Variants in WIPF3 observed in about 807,000 individuals in gnomAD.
WIPF3 encodes the protein WAS/WASL-interacting protein family member 3.
WIPF3 carries 33 observed loss-of-function variants against 38.9 expected under a neutral mutation model. That is an observed-to-expected ratio of 0.85 (90% CI 0.64 to 1.14). WIPF3 has a LOEUF of 1.14. WIPF3 is among the 50% of genes most tolerant of loss of function. The pLI is 0.00. For missense variants in WIPF3, 711 were observed against 652.5 expected (o/e 1.09, Z -0.98); for synonymous variants, 324 against 269.3 (o/e 1.20, Z -1.99).
At chr7:29,816,010 A>G (rs968984395) in intron 1 of WIPF3, among the ~76,000 whole-genome samples, 1 of 152,014 alleles carries the variant, frequency 6.6e-6, no homozygotes, top group Non-Finnish European at 1.5e-5. Flanking sequence ...AATCGTCAAG[A>G]CCATTTTAAT....
At chr7:29,819,740 T>C (rs2128062510) in intron 1 of WIPF3, among the ~76,000 whole-genome samples, 1 of 152,166 alleles carries the variant, frequency 6.6e-6, no homozygotes, top group Middle Eastern at 3.4e-3. Flanking sequence ...TCAGTACACA[T>C]TAAGTTTGGT....
Position 29,890,791 on chromosome 7 carries a change from G to T in WIPF3, c.1351+1384G>T, listed in dbSNP as rs576920866. Among the ~76,000 whole-genome samples, 53 of 144,318 alleles carry T rather than the reference G, an allele frequency of 3.7e-4. 1 individual carries two copies. The highest frequency in any genetic ancestry group is 1.4e-3 in the Admixed American group (21 of 14,554). 94.7% of individuals were successfully genotyped at this position (144,318 alleles called of 152,430 possible). ...TGCCCTGTGTTCAGGTGGAGGGGGC[G>T]AGGGCCTGCCCTGTGCTCAGGTGGA... On this transcript the variant is annotated intron_variant, in intron 7 of 8. Coordinates refer to ENST00000242140, the MANE Select transcript of WIPF3 (RefSeq NM_001080529.3).
chr7:29,834,770 CCGCCTCTGGGGGCT>C lies in WIPF3; in HGVS notation c.48_61del (p.Pro17SerfsTer31). Reference sequence around the variant, plus strand: ...CCCACCTCCTCTGCCTCCACCTCCCCCGCCTCTGGGGGCTCCTCCCCCTCCCCCACCATCAGCAC... The same window carrying C: ...CCCACCTCCTCTGCCTCCACCTCCCCCCTCCCCCTCCCCCACCATCAGCAC... On this transcript the variant is annotated frameshift_variant, in exon 2 of 9. Transcript: ENST00000242140. LOFTEE classifies it high-confidence loss of function. 6.7e-7 allele frequency: 1 copy of C among 1,497,064 alleles called. No homozygotes were observed. Among genetic ancestry groups the C allele is most frequent in the South Asian group, 1.3e-5 (1 of 75,496 alleles). The allele number at this position is 1,497,064 out of a possible 1,614,324, so 92.7% of individuals were successfully genotyped here. A position where few individuals can be genotyped will look rare whatever the true frequency, so the allele number is the denominator to read the frequency against.
chr7:29,812,720 C>T (rs1784399264), intron 1 of WIPF3, among the ~76,000 whole-genome samples: 1 of 152,154 alleles, frequency 6.6e-6, no homozygotes, highest in African/African-American at 2.4e-5. Flanking sequence ...CAAATTAGGG[C>T]TTCTGCTGTG....
intron 2 of WIPF3, among the ~76,000 whole-genome samples, chr7:29,860,490 A>G (rs1785256850): frequency 6.6e-6 from 1 of 152,194 alleles, no homozygotes; most frequent in South Asian, 2.1e-4. Context: ...GCCTTCTACC[A>G]TAAGTGGAAT....
intron 7 of WIPF3, among the ~76,000 whole-genome samples, chr7:29,891,120 C>A (rs1786008822): frequency 1.2e-5 from 1 of 84,930 alleles, no homozygotes; most frequent in African/African-American, 3.7e-5. Flanking sequence ...CACGGGCCTG[C>A]CCTGTGCTCA....
intron 7 of WIPF3, among the ~76,000 whole-genome samples, chr7:29,898,193 T>A (rs1786194042): frequency 6.6e-6 from 1 of 152,186 alleles, no homozygotes; most frequent in African/African-American, 2.4e-5. Context: ...TTCATTTAGA[T>A]TTTATGACAG....
chr7:29,906,983 A>T (rs931623339), intron 8 of WIPF3, among the ~76,000 whole-genome samples: 1 of 152,226 alleles, frequency 6.6e-6, no homozygotes, highest in Non-Finnish European at 1.5e-5. Context: ...AAGCTGAGGG[A>T]GTTTGTTACC....
rs1394675890 is a variant in WIPF3 at position 29,823,026 on chromosome 7, A to G, written c.-57-11642A>G. Reference sequence around the variant, plus strand: ...AAAACTTTGTTTTTTGGACAGGATCATATGCAATTTTAAATTTCTTTATTA... The same window carrying G: ...AAAACTTTGTTTTTTGGACAGGATCGTATGCAATTTTAAATTTCTTTATTA... On this transcript the variant is annotated intron_variant, in intron 1 of 8. Transcript: ENST00000242140. The surrounding 1 kb of genome is among the most constrained non-coding windows in gnomAD (Gnocchi z 4.0). Among the ~76,000 whole-genome samples the G allele has an allele frequency of 1.3e-5, 2 of 152,220 alleles. No individual in the cohort carries two copies. Among genetic ancestry groups the G allele is most frequent in the African/African-American group, 2.4e-5 (1 of 41,460 alleles).
chr7:29,835,724 G>A (rs773738073), intron 2 of WIPF3, among the ~76,000 whole-genome samples: 5 of 152,194 alleles, frequency 3.3e-5, no homozygotes, highest in Non-Finnish European at 7.3e-5. Context: ...AGTGAGGGGC[G>A]TCTCGCATCC....
intron 2 of WIPF3, among the ~76,000 whole-genome samples, chr7:29,840,153 A>T (rs900054249): frequency 1.1e-4 from 16 of 151,936 alleles, no homozygotes; most frequent in African/African-American, 3.9e-4. Context: ...CCACCCACCC[A>T]CTGCAGTAGC....
In WIPF3 at chr7:29,902,274, CT is replaced by C. The variant is rs11407234; in HGVS notation, c.1352-1996del. Reference sequence around the variant, plus strand: ...TTAGTGTTTTCTTCTTCTTCTTCTTCTTTTTTTTTTTTTTTTACTTTTTGCT... The same window carrying C: ...TTAGTGTTTTCTTCTTCTTCTTCTTCTTTTTTTTTTTTTTTACTTTTTGCT... On this transcript the variant is annotated intron_variant, in intron 7 of 8. Coordinates refer to ENST00000242140, the MANE Select transcript of WIPF3 (RefSeq NM_001080529.3). 1.1e-3 allele frequency among the ~76,000 whole-genome samples: 113 copies of C among 104,104 alleles called. 1 individual carries two copies. Among genetic ancestry groups the C allele is most frequent in the African/African-American group, 2.2e-3 (56 of 25,598 alleles). The allele number at this position is 104,104 out of a possible 152,430, so 68.3% of individuals were successfully genotyped here.
chr7:29,823,945 A>G lies in WIPF3; in HGVS notation c.-57-10723A>G, dbSNP rs181747698. Reference sequence around the variant, plus strand: ...GTACAGCCTGCAGAACTGTGAGCCAATTAAACCTCTTTTATTTATAAATTT... The same window carrying G: ...GTACAGCCTGCAGAACTGTGAGCCAGTTAAACCTCTTTTATTTATAAATTT... On this transcript the variant is annotated intron_variant, in intron 1 of 8. Transcript: ENST00000242140. The surrounding 1 kb of genome is among the most constrained non-coding windows in gnomAD (Gnocchi z 4.0). Among the ~76,000 whole-genome samples the G allele has an allele frequency of 4.1e-4, 62 of 152,318 alleles. No individual in the cohort carries two copies. Among genetic ancestry groups the G allele is most frequent in the African/African-American group, 1.3e-3 (55 of 41,572 alleles).
chr7:29,911,922 A>G (rs1234630173), intron 8 of WIPF3, among the ~76,000 whole-genome samples: 5 of 152,224 alleles, frequency 3.3e-5, no homozygotes, highest in Non-Finnish European at 7.3e-5. Flanking sequence ...AGAAGAAAAA[A>G]TAAGCAAACT....
intron 8 of WIPF3, among the ~76,000 whole-genome samples, chr7:29,911,136 C>T (rs368883023): frequency 2.6e-4 from 39 of 151,460 alleles, no homozygotes; most frequent in Middle Eastern, 3.4e-3. Flanking sequence ...CAATCTGTAA[C>T]GAAAATTACA....
At chr7:29,816,948 T>G (rs527543741) in intron 1 of WIPF3, among the ~76,000 whole-genome samples, 1 of 152,206 alleles carries the variant, frequency 6.6e-6, no homozygotes, top group South Asian at 2.1e-4. Flanking sequence ...CCCATTACCC[T>G]TCACAGAAGT....
chr7:29,832,054 C>G (rs905655097), intron 1 of WIPF3, among the ~76,000 whole-genome samples: 1 of 152,132 alleles, frequency 6.6e-6, no homozygotes, highest in Non-Finnish European at 1.5e-5. Context: ...GTTATTCTTC[C>G]CCACCTTTTC....
At chr7:29,828,205 GAA>G (rs200547118) in intron 1 of WIPF3, among the ~76,000 whole-genome samples, 135 of 151,880 alleles carry the variant, frequency 8.9e-4, no homozygotes, top group African/African-American at 3.1e-3. Flanking sequence ...TACTCTTGGA[GAA>G]AAAAAAGAGT....
rs928117566 is a variant in WIPF3, at chr7:29,902,877, T to C, written c.1352-1409T>C. ...AGAGCGTGTTTTTTTTTTTTAATGG[T>C]GATTCTACCACTTAGAAGGAAACAT... On this transcript the variant is annotated intron_variant, in intron 7 of 8. Transcript: ENST00000242140. Among the ~76,000 whole-genome samples the C allele has an allele frequency of 2.6e-5, 4 of 151,976 alleles. No individual in the cohort carries two copies. The South Asian group carries it at 8.3e-4, about 32-fold the overall frequency.
Sources: gnomAD v4.1 joint callset for allele counts (sites outside exome capture counted in the v4.1 genomes callset) on GRCh38, gnomAD v4.1.1 for gene constraint, Gnocchi (gnomAD v3.1) non-coding constraint, MANE v1.5 for transcripts, NCBI Gene and HGNC (gene_info 2026-07-23, HGNC 2026-07-21) for gene names.